Variants in CFAP57 observed in about 807,000 individuals in gnomAD.
CFAP57 encodes the protein cilia- and flagella-associated protein 57.
Under a neutral mutation model 146.8 loss-of-function variants are expected in CFAP57, and 116 were observed. That is an observed-to-expected ratio of 0.79 (90% confidence interval 0.68 to 0.92). The LOEUF is 0.92. Ranked by LOEUF, CFAP57 falls within the 40% of genes least tolerant of loss-of-function variation. CFAP57 has a pLI of 0.00. For synonymous variants in CFAP57, 518 were observed against 552.8 expected (o/e 0.94, Z 0.88); for missense variants, 1,377 against 1,527.2 (o/e 0.90, Z 1.64).
intron 18 of CFAP57, among the ~76,000 whole-genome samples, chr1:43,227,389 G>A (rs1411206737): frequency 2.0e-5 from 3 of 152,230 alleles, no homozygotes; most frequent in Non-Finnish European, 1.5e-5. Flanking sequence ...GCCTCAGTGT[G>A]CGGTGTACTG....
rs1401445756 is a variant in CFAP57, at chr1:43,234,520, A to G, written c.3287A>G (p.Asp1096Gly). ...GTGGAGATCGCAGGGCTGAACACAG[A>G]CCTGCAGCAGGAGTACACCCGGCAG... is the stretch of plus-strand genomic sequence containing the variant. Reference protein sequence around the residue: ...DMVEIAGLNTDLQQEYTRQRE... With the variant: ...DMVEIAGLNTGLQQEYTRQRE... The change falls in exon 21 of 23, where the codon GAC becomes GGC. Residue 1096 changes from aspartate to glycine, a missense_variant. By Grantham distance (94) the Asp-to-Gly change is moderately conservative (BLOSUM62 -1). Coordinates refer to ENST00000372492, the MANE Select transcript of CFAP57 (RefSeq NM_001378189.1). 5.8e-6 allele frequency: 9 copies of G among 1,549,850 alleles called. No homozygotes were observed. Among genetic ancestry groups the G allele is most frequent in the Non-Finnish European group, 7.8e-6 (9 of 1,146,674 alleles).
chr1:43,183,545 G>C (rs761610303), intron 3 of CFAP57, 46 bp from the exon 4 acceptor site: 7 of 1,540,358 alleles, frequency 4.5e-6, no homozygotes, highest in Middle Eastern at 1.8e-4. Flanking sequence ...ATTCCATCAA[G>C]AATAGTTTCA....
chr1:43,230,606 C>T (rs919232364), intron 18 of CFAP57, among the ~76,000 whole-genome samples: 21 of 152,254 alleles, frequency 1.4e-4, no homozygotes, highest in African/African-American at 4.1e-4. Context: ...TGCAGAGATG[C>T]GCCAGGCTGC....
chr1:43,228,172 C>A (rs1005922567), intron 18 of CFAP57, among the ~76,000 whole-genome samples: 5 of 152,186 alleles, frequency 3.3e-5, no homozygotes, highest in African/African-American at 1.2e-4. Context: ...GTGATCCAGC[C>A]TCTCCCTGCC....
At position 43,222,283 on chromosome 1, in the gene CFAP57, C is replaced by A. The variant is rs961801344; in HGVS notation, c.2520C>A (p.Thr840=). 2.8e-6 allele frequency: 4 copies of A among 1,447,586 alleles called. No individual in the cohort carries two copies. Among genetic ancestry groups the A allele is most frequent in the Middle Eastern group, 1.8e-4 (1 of 5,516 alleles). The allele number at this position is 1,447,586 out of a possible 1,614,324, so 89.7% of individuals were successfully genotyped here. A position where few individuals can be genotyped will look rare whatever the true frequency, so the allele number is the denominator to read the frequency against. Residue 840 remains threonine, a synonymous_variant, in exon 15 of 23, where the codon ACC becomes ACA. Coordinates refer to ENST00000372492, the MANE Select transcript of CFAP57 (RefSeq NM_001378189.1). ...AGGCAAAACTGCAGGAGAAAACCACCCTTCTGGAAGAGGTACTCACAGGAA... is the reference window on the plus strand; with the variant it reads ...AGGCAAAACTGCAGGAGAAAACCACACTTCTGGAAGAGGTACTCACAGGAA... ...FYEAKLQEKT[T]LLEEAQEDVR...
chr1:43,172,902 T>G lies in CFAP57; in HGVS notation c.149T>G (p.Phe50Cys), dbSNP rs958565006. 2.5e-6 allele frequency: 4 copies of G among 1,613,952 alleles called. No individual in the cohort carries two copies. The highest frequency in any genetic ancestry group is 3.4e-6 in the Non-Finnish European group (4 of 1,179,950). ...AATGTGGATCAGAAATGGCAAAAAT[T>G]CATTCCAGGTAAAACTTTTTCCATC... Reference protein sequence around the residue: ...KYNVDQKWQKFIPGSEKSQGM... With the variant: ...KYNVDQKWQKCIPGSEKSQGM... Residue 50 changes from phenylalanine (F) to cysteine (C), a missense_variant, in exon 2 of 23, where the codon TTC (phenylalanine) becomes TGC (cysteine). Coordinates refer to ENST00000372492, the MANE Select transcript of CFAP57 (RefSeq NM_001378189.1).
At chr1:43,172,558 A>G in intron 1 of CFAP57, 105 bp downstream of exon 1, 1 of 548,196 alleles carries the variant, frequency 1.8e-6, no homozygotes, top group Non-Finnish European at 2.8e-6. Flanking sequence ...GCGGAGGAGG[A>G]CCCCGGGGGA....
At chr1:43,180,245 T>G (rs1645348205) in intron 2 of CFAP57, among the ~76,000 whole-genome samples, 1 of 143,112 alleles carries the variant, frequency 7.0e-6, no homozygotes, top group South Asian at 2.2e-4. Context: ...ATATAAAATA[T>G]ATATACACAC....
At chr1:43,234,752 C>A in intron 21 of CFAP57, 114 bp downstream of exon 21, 1 of 1,262,968 alleles carries the variant, frequency 7.9e-7, no homozygotes, top group Non-Finnish European at 1.1e-6. Context: ...TGTCTGGGGG[C>A]CCAGTAGCTC....
Position 43,238,352 on chromosome 1 carries a change from A to G in CFAP57, c.3405+3714A>G, listed in dbSNP as rs7556572. ...GAAAGACCTGCCAGGGTCATCAGTCAGTTCCAAAGGCCAAAGGCAGTCCTG... is the reference window on the plus strand; with the variant it reads ...GAAAGACCTGCCAGGGTCATCAGTCGGTTCCAAAGGCCAAAGGCAGTCCTG... On this transcript the variant is annotated intron_variant, in intron 21 of 22. Transcript: ENST00000372492. The surrounding 1 kb of genome is among the most constrained non-coding windows in gnomAD (Gnocchi z 4.3). Among the ~76,000 whole-genome samples, 7,155 of 152,270 alleles carry G rather than the reference A, an allele frequency of 0.047. 580 individuals carry two copies. The highest frequency in any genetic ancestry group is 0.16 in the African/African-American group (6,846 of 41,492).
Position 43,181,776 on chromosome 1 carries a change from G to A in CFAP57, c.400G>A (p.Val134Ile). ...AQTSPPESNL[V>I]YWLWEKQKVM... Reference sequence around the variant, plus strand: ...GACGTCACCTCCAGAGTCAAATCTTGTCTACTGGCTGTGGGAAAAACAGAA... The same window carrying A: ...GACGTCACCTCCAGAGTCAAATCTTATCTACTGGCTGTGGGAAAAACAGAA... The change falls in exon 3 of 23, where the codon GTC becomes ATC. Residue 134 changes from valine (V) to isoleucine (I), a missense_variant. Val to Ile is a conservative substitution (Grantham distance 29). Transcript: ENST00000372492. The A allele has an allele frequency of 5.0e-6, 8 of 1,614,136 alleles. No individual in the cohort carries two copies. Among genetic ancestry groups the A allele is most frequent in the Non-Finnish European group, 6.8e-6 (8 of 1,180,034 alleles).
intron 11 of CFAP57, among the ~76,000 whole-genome samples, chr1:43,212,149 C>T (rs1008820362): frequency 2.0e-5 from 3 of 152,268 alleles, no homozygotes; most frequent in Admixed American, 1.3e-4. Context: ...AATATCAAAC[C>T]AGAAAATTGA....
intron 9 of CFAP57, among the ~76,000 whole-genome samples, chr1:43,204,645 C>T (rs1644281472): frequency 6.6e-6 from 1 of 152,110 alleles, no homozygotes; most frequent in Non-Finnish European, 1.5e-5. Flanking sequence ...CCTAGGGTTG[C>T]CCATGAGTTG....
intron 10 of CFAP57, among the ~76,000 whole-genome samples, chr1:43,208,075 A>G (rs1027239818): frequency 6.6e-6 from 1 of 152,256 alleles, no homozygotes; most frequent in African/African-American, 2.4e-5. Context: ...GCCATCAGAG[A>G]AATGCAAATC....
At chr1:43,187,393 G>A (rs1331723172) in intron 6 of CFAP57, among the ~76,000 whole-genome samples, 1 of 151,802 alleles carries the variant, frequency 6.6e-6, no homozygotes, top group Non-Finnish European at 1.5e-5. Flanking sequence ...AGCAAATCTG[G>A]GCAGAACAAG....
At chr1:43,232,648 A>C in intron 19 of CFAP57, 24 bp downstream of exon 19, 1 of 1,490,802 alleles carries the variant, frequency 6.7e-7, no homozygotes, top group Non-Finnish European at 9.0e-7. Context: ...AGAGTCTGGC[A>C]GTTCTTGGAT....
chr1:43,241,751 G>T (rs1645930934), intron 21 of CFAP57, among the ~76,000 whole-genome samples: 1 of 152,148 alleles, frequency 6.6e-6, no homozygotes, highest in Non-Finnish European at 1.5e-5. Context: ...GCCCATTCCA[G>T]ACCTATGAGT....
chr1:43,179,772 C>A (rs1341351420), intron 2 of CFAP57, among the ~76,000 whole-genome samples: 1 of 152,192 alleles, frequency 6.6e-6, no homozygotes, highest in Non-Finnish European at 1.5e-5. Flanking sequence ...GTACCTCACA[C>A]ACAATATATC....
chr1:43,195,394 T>C (rs1340092854), intron 6 of CFAP57, among the ~76,000 whole-genome samples: 4 of 152,064 alleles, frequency 2.6e-5, no homozygotes, highest in Non-Finnish European at 5.9e-5. Context: ...TGGTGGCATG[T>C]GCCTGCAGTC....
Sources: gnomAD v4.1 joint callset for allele counts (sites outside exome capture counted in the v4.1 genomes callset) on GRCh38, gnomAD v4.1.1 for gene constraint, Gnocchi (gnomAD v3.1) non-coding constraint, MANE v1.5 for transcripts, NCBI Gene and HGNC (gene_info 2026-07-23, HGNC 2026-07-21) for gene names.